Variants in ARHGAP32 observed in about 807,000 individuals in gnomAD.
The protein encoded by ARHGAP32 is Rho GTPase activating protein 32, also known as rho GTPase-activating protein 32.
A neutral mutation model predicts 186.5 loss-of-function variants in ARHGAP32; 51 were observed. The observed-to-expected ratio is 0.27, with a 90% confidence interval of 0.22 to 0.35. The LOEUF (loss-of-function observed/expected upper bound fraction) is 0.35, where lower values mean the gene tolerates loss of function less well. ARHGAP32 is among the 10% of genes least tolerant of loss of function. ARHGAP32 has a pLI of 1.00. For synonymous variants in ARHGAP32, 950 were observed against 964.3 expected (o/e 0.99, Z 0.27); for missense variants, 2,186 against 2,623.5 (o/e 0.83, Z 3.64).
At chr11:129,041,142 C>A in intron 10 of ARHGAP32, 133 bp from the exon 11 acceptor site, 1 of 519,512 alleles carries the variant, frequency 1.9e-6, no homozygotes, top group Admixed American at 3.4e-5. Context: ...CTCTAAATAA[C>A]AGATGATGCC....
chr11:129,082,068 T>C (rs1036988944), intron 6 of ARHGAP32, among the ~76,000 whole-genome samples: 2 of 152,030 alleles, frequency 1.3e-5, no homozygotes, highest in Non-Finnish European at 2.9e-5. Flanking sequence ...GAAAAATCTC[T>C]ACAAGAAAAA....
rs577637125 is a variant in ARHGAP32 at position 129,141,486 on chromosome 11, G to A, written c.226-16592C>T. 4.6e-5 allele frequency among the ~76,000 whole-genome samples: 7 copies of A among 152,160 alleles called. 1 individual carries two copies. Among genetic ancestry groups the A allele is most frequent in the African/African-American group, 1.7e-4 (7 of 41,524 alleles). On this transcript the variant is annotated intron_variant, in intron 2 of 22. Transcript: ENST00000682385. ...GGGGCCTGTCATGGGGTAGGGGGATGGGGAAGGGACAGCATTAGGAGAAAT... is the reference window on the plus strand; with the variant it reads ...GGGGCCTGTCATGGGGTAGGGGGATAGGGAAGGGACAGCATTAGGAGAAAT...
At chr11:129,159,687 C>G (rs1034502917) in intron 2 of ARHGAP32, among the ~76,000 whole-genome samples, 4 of 151,958 alleles carry the variant, frequency 2.6e-5, no homozygotes, top group African/African-American at 9.7e-5. Context: ...CTCCAAACAC[C>G]TGAAAAAGAG....
At chr11:129,157,379 A>C (rs1432747290) in intron 2 of ARHGAP32, among the ~76,000 whole-genome samples, 1 of 152,122 alleles carries the variant, frequency 6.6e-6, no homozygotes, top group Non-Finnish European at 1.5e-5. Flanking sequence ...TTAGAGGATA[A>C]CATAAATTAC....
At chr11:129,121,656 G>A (rs559481554) in intron 5 of ARHGAP32, among the ~76,000 whole-genome samples, 3 of 152,052 alleles carry the variant, frequency 2.0e-5, no homozygotes, top group African/African-American at 7.2e-5. Flanking sequence ...CACAAACTGA[G>A]TTAGTATCAC....
At chr11:129,073,480 G>C (rs1383928123) in intron 6 of ARHGAP32, among the ~76,000 whole-genome samples, 1 of 152,126 alleles carries the variant, frequency 6.6e-6, no homozygotes, top group Non-Finnish European at 1.5e-5. Flanking sequence ...ACTGGACACA[G>C]CTGAGGAAAG....
At chr11:129,195,540 G>A (rs142271025), upstream of ARHGAP32, among the ~76,000 whole-genome samples, 128 of 151,728 alleles carry the variant, frequency 8.4e-4, 2 homozygotes, top group South Asian at 0.021. Context: ...ACAGGCACCC[G>A]CCACCACACC....
At chr11:128,996,251 TTAA>T (rs1426505348) in intron 12 of ARHGAP32, among the ~76,000 whole-genome samples, 3 of 152,136 alleles carry the variant, frequency 2.0e-5, no homozygotes, top group South Asian at 2.1e-4. Context: ...CTGTGACAGT[TTAA>T]TGTTTGTATC....
chr11:129,225,389 G>A (rs1383009480), intron 1 of ARHGAP32, among the ~76,000 whole-genome samples: 2 of 152,102 alleles, frequency 1.3e-5, no homozygotes, highest in Non-Finnish European at 2.9e-5. Flanking sequence ...TGATGGCTAA[G>A]CAAAGTTATC....
In ARHGAP32 at chr11:129,192,263, G is replaced by T; in HGVS notation, c.-65C>A. On this transcript the variant is annotated 5_prime_UTR_variant, in exon 1 of 23. Transcript: ENST00000682385. ...TGGAATAAAAAGCACCAACATTCAG[G>T]TTGTTCAGCTCTACTCATGTATACT... 1 of 1,146,342 alleles carries T rather than the reference G, an allele frequency of 8.7e-7. No individual in the cohort carries two copies. Among genetic ancestry groups the T allele is most frequent in the Non-Finnish European group, 1.3e-6 (1 of 764,186 alleles). 71.0% of individuals were successfully genotyped at this position (1,146,342 alleles called of 1,614,324 possible).
At chr11:129,193,717 T>TTATATAA (rs1555111405), upstream of ARHGAP32, among the ~76,000 whole-genome samples, 199 of 43,796 alleles carry the variant, frequency 4.5e-3, no homozygotes, top group East Asian at 0.052. Flanking sequence ...ATATTATATA[T>TTATATAA]TATATATTAT....
In ARHGAP32 at chr11:128,978,389, G is replaced by A. The variant is rs553482213; in HGVS notation, c.2122+381C>T. On this transcript the variant is annotated intron_variant, in intron 19 of 22. Transcript: ENST00000682385. ...TAAAAAATACCTTCTTTAGTTAAAA[G>A]AGTTATAAACTTGAAAGTTATGTTG... is the stretch of plus-strand genomic sequence containing the variant. Among the ~76,000 whole-genome samples the A allele has an allele frequency of 3.3e-5, 5 of 152,180 alleles. 1 individual carries two copies. In the South Asian group the frequency reaches 1.0e-3, roughly 32 times the overall value.
At chr11:129,019,886 C>T (rs1014653759) in intron 11 of ARHGAP32, among the ~76,000 whole-genome samples, 4 of 151,972 alleles carry the variant, frequency 2.6e-5, no homozygotes, top group Non-Finnish European at 1.5e-5. Context: ...TGAAAAAGTA[C>T]CAGACCAAGA....
chr11:129,214,621 T>C (rs1944622524), intron 1 of ARHGAP32, among the ~76,000 whole-genome samples: 1 of 152,188 alleles, frequency 6.6e-6, no homozygotes, highest in African/African-American at 2.4e-5. Context: ...TGGACTACAG[T>C]CTTAAGTTCC....
intron 5 of ARHGAP32, among the ~76,000 whole-genome samples, chr11:129,105,521 C>T (rs1317485104): frequency 6.6e-6 from 1 of 151,834 alleles, no homozygotes; most frequent in African/African-American, 2.4e-5. Flanking sequence ...AAATCCCTGA[C>T]AAAACACTAC....
At chr11:129,263,906 G>A (rs1182552233) in intron 1 of ARHGAP32, among the ~76,000 whole-genome samples, 2 of 152,156 alleles carry the variant, frequency 1.3e-5, no homozygotes, top group East Asian at 1.9e-4. Flanking sequence ...CCAAAAAACT[G>A]AAAACAGGAA....
At chr11:129,001,461 A>C (rs1274855904) in intron 11 of ARHGAP32, among the ~76,000 whole-genome samples, 1 of 152,140 alleles carries the variant, frequency 6.6e-6, no homozygotes, top group Non-Finnish European at 1.5e-5. Context: ...TGTTAATCAA[A>C]TTATTATTTT....
intron 1 of ARHGAP32, among the ~76,000 whole-genome samples, chr11:129,277,395 G>C (rs1161650273): frequency 6.6e-6 from 1 of 152,180 alleles, no homozygotes; most frequent in East Asian, 1.9e-4. Flanking sequence ...GAAGACAGTT[G>C]AGCCTGTCTT....
At chr11:129,231,437 G>A (rs543934810) in intron 1 of ARHGAP32, among the ~76,000 whole-genome samples, 413 of 152,122 alleles carry the variant, frequency 2.7e-3, no homozygotes, top group African/African-American at 9.3e-3. Context: ...ATGTGTGACC[G>A]GCAAACAAAT....
Sources: allele counts gnomAD v4.1 joint callset (sites outside exome capture counted in the v4.1 genomes callset), GRCh38; gene constraint gnomAD v4.1.1; transcripts MANE v1.5; gene names NCBI Gene and HGNC (gene_info 2026-07-23, HGNC 2026-07-21).